FGF12: variants seen among roughly 807,000 people sequenced by gnomAD.
FGF12 encodes the protein fibroblast growth factor 12.
Under a neutral mutation model 23.6 loss-of-function variants are expected in FGF12, and 14 were observed. The ratio of observed to expected loss-of-function variants is 0.59; its 90% confidence interval spans 0.39 to 0.93. The LOEUF is 0.93. FGF12 is among the 40% of genes least tolerant of loss of function. The pLI, the probability that FGF12 is intolerant of heterozygous loss-of-function variation, is 0.00. For synonymous variants in FGF12, 62 were observed against 77.3 expected, an observed-to-expected ratio of 0.80 and a Z score of 1.04; for missense variants, 175 against 217.8, an observed-to-expected ratio of 0.80 and a Z score of 1.24.
Position 192,585,459 on chromosome 3 carries a change from G to T in FGF12, c.13+141722C>A, listed in dbSNP as rs545850669. 2.0e-5 allele frequency among the ~76,000 whole-genome samples: 3 copies of T among 152,214 alleles called. No individual in the cohort carries two copies. In the East Asian group the frequency reaches 5.8e-4, roughly 29 times the overall value. Reference sequence around the variant, plus strand: ...ACTTAGTTGTGGTTTGGCACAACCTGGTGGCAAGTTTCCTGCTCCCACTCT... The same window carrying T: ...ACTTAGTTGTGGTTTGGCACAACCTTGTGGCAAGTTTCCTGCTCCCACTCT... On this transcript the variant is annotated intron_variant, in intron 2 of 5. Coordinates refer to ENST00000445105, the MANE Select transcript of FGF12 (RefSeq NM_004113.6).
chr3:192,494,716 T>C (rs949542383), intron 2 of FGF12, among the ~76,000 whole-genome samples: 1 of 152,148 alleles, frequency 6.6e-6, no homozygotes, highest in South Asian at 2.1e-4. Context: ...CCTTCTCTCA[T>C]TTGTGATTTA....
At chr3:192,343,747 A>G (rs1717812572) in intron 3 of FGF12, among the ~76,000 whole-genome samples, 1 of 152,148 alleles carries the variant, frequency 6.6e-6, no homozygotes, top group Non-Finnish European at 1.5e-5. Context: ...CACTTATCAC[A>G]GTGCTTATTA....
intron 4 of FGF12, among the ~76,000 whole-genome samples, chr3:192,327,238 T>C (rs1036395646): frequency 6.6e-6 from 1 of 152,160 alleles, no homozygotes. Flanking sequence ...AAAAGTACAC[T>C]GTATTATTTG....
chr3:192,693,123 TG>T (rs1268636699), intron 2 of FGF12, among the ~76,000 whole-genome samples: 2 of 152,038 alleles, frequency 1.3e-5, no homozygotes, highest in Admixed American at 1.3e-4. Flanking sequence ...AAAAATCAAT[TG>T]TATATCTTTA....
chr3:192,306,649 T>C (rs1715667385), intron 4 of FGF12, among the ~76,000 whole-genome samples: 1 of 152,200 alleles, frequency 6.6e-6, no homozygotes, highest in South Asian at 2.1e-4. Context: ...CTGATTGATA[T>C]ATGTTGACCA....
At chr3:192,595,470 C>T (rs542202008) in intron 2 of FGF12, among the ~76,000 whole-genome samples, 1 of 152,132 alleles carries the variant, frequency 6.6e-6, no homozygotes, top group Non-Finnish European at 1.5e-5. Flanking sequence ...GAGTTCTTAA[C>T]GTCTGACTTA....
At chr3:192,572,186 G>C (rs762227768) in intron 2 of FGF12, among the ~76,000 whole-genome samples, 1 of 151,898 alleles carries the variant, frequency 6.6e-6, no homozygotes, top group Admixed American at 6.6e-5. Flanking sequence ...ATTTCTTCTC[G>C]AAAGAGACTT....
intron 2 of FGF12, among the ~76,000 whole-genome samples, chr3:192,496,366 A>G (rs1343419212): frequency 6.6e-6 from 1 of 152,098 alleles, no homozygotes; most frequent in Non-Finnish European, 1.5e-5. Context: ...GTTTGACAAG[A>G]GTCTGATGTG....
intron 4 of FGF12, chr3:192,283,135 G>A (rs887696540): frequency 5.3e-5 from 8 of 152,094 alleles, no homozygotes; most frequent in Admixed American, 2.6e-4. Flanking sequence ...AAAAATTTTC[G>A]TGACATGAAT....
intron 4 of FGF12, among the ~76,000 whole-genome samples, chr3:192,322,085 A>C (rs888626837): frequency 2.0e-5 from 3 of 152,178 alleles, no homozygotes; most frequent in Non-Finnish European, 4.4e-5. Context: ...ACAAAAAAAA[A>C]CACACAACTC....
chr3:192,453,456 A>C (rs1722586912), intron 2 of FGF12, among the ~76,000 whole-genome samples: 1 of 152,160 alleles, frequency 6.6e-6, no homozygotes, highest in Admixed American at 6.5e-5. Flanking sequence ...TTTTTAAAAA[A>C]AAAATTTGGA....
intron 2 of FGF12, among the ~76,000 whole-genome samples, chr3:192,668,185 AC>A (rs1716968586): frequency 6.6e-6 from 1 of 152,122 alleles, no homozygotes; most frequent in Non-Finnish European, 1.5e-5. Flanking sequence ...GAAAAAAAAA[AC>A]GGTAGAATAA....
intron 2 of FGF12, among the ~76,000 whole-genome samples, chr3:192,598,802 T>C (rs1471691765): frequency 2.0e-5 from 3 of 152,172 alleles, no homozygotes; most frequent in Non-Finnish European, 4.4e-5. Flanking sequence ...GTGGATTAGC[T>C]ATACACTTTC....
intron 4 of FGF12, among the ~76,000 whole-genome samples, chr3:192,204,702 G>A (rs1045043962): frequency 2.0e-5 from 3 of 151,886 alleles, no homozygotes; most frequent in Admixed American, 6.6e-5. Context: ...CCTGGCCAAC[G>A]TGGCAAAACC....
In FGF12 at chr3:192,340,086, T is replaced by C. The variant is rs531427109; in HGVS notation, c.125-4622A>G. On this transcript the variant is annotated intron_variant, in intron 3 of 5. Transcript: ENST00000445105. ...ATACTGAGTGCTTCTAGTAATTTGA[T>C]CTTCCTCCTCCTACCTTCTAAACTC... Among the ~76,000 whole-genome samples the C allele has an allele frequency of 5.3e-5, 8 of 152,102 alleles. No individual in the cohort carries two copies. The South Asian group carries it at 1.7e-3, about 32-fold the overall frequency.
intron 4 of FGF12, among the ~76,000 whole-genome samples, chr3:192,239,059 TA>T (rs990630427): frequency 1.9e-4 from 29 of 152,212 alleles, no homozygotes; most frequent in African/African-American, 7.0e-4. Flanking sequence ...GCTTAGTGTA[TA>T]ACTTTTCCTA....
chr3:192,590,397 C>T (rs141619355), intron 2 of FGF12, among the ~76,000 whole-genome samples: 5 of 151,968 alleles, frequency 3.3e-5, no homozygotes, highest in East Asian at 3.9e-4. Context: ...TCCTACATTT[C>T]GAATTCATTT....
chr3:192,509,349 T>G (rs1724404095), intron 2 of FGF12, among the ~76,000 whole-genome samples: 1 of 152,216 alleles, frequency 6.6e-6, no homozygotes, highest in African/African-American at 2.4e-5. Flanking sequence ...TTCTTCCCAA[T>G]GCACACAACT....
chr3:192,711,712 G>A (rs1718689100), intron 2 of FGF12, among the ~76,000 whole-genome samples: 2 of 152,202 alleles, frequency 1.3e-5, no homozygotes, highest in South Asian at 4.1e-4. Context: ...TAAGGGCTGT[G>A]CAAGATGTGC....
Sources: gnomAD v4.1 joint callset for allele counts (sites outside exome capture counted in the v4.1 genomes callset) on GRCh38, gnomAD v4.1.1 for gene constraint, MANE v1.5 for transcripts, NCBI Gene and HGNC (gene_info 2026-07-23, HGNC 2026-07-21) for gene names.